The following TBC1D23 variants were observed in gnomAD, a reference collection of about 807,000 sequenced individuals.
TBC1D23 encodes HCV non-structural protein 4A-transactivated protein 1.
Under a neutral mutation model 91.4 loss-of-function variants are expected in TBC1D23, and 55 were observed. The ratio of observed to expected loss-of-function variants is 0.60; its 90% CI spans 0.48 to 0.75. The LOEUF is 0.75. TBC1D23 is among the 30% of genes least tolerant of loss of function. The pLI is 0.00. For missense variants in TBC1D23, 725 were observed against 836.1 expected, an observed-to-expected ratio of 0.87 and a Z score of 1.64; for synonymous variants, 289 against 281.0, an observed-to-expected ratio of 1.03 and a Z score of -0.28.
At chr3:100,274,974 A>G (rs1327882151) in intron 1 of TBC1D23, among the ~76,000 whole-genome samples, 1 of 146,910 alleles carries the variant, frequency 6.8e-6, no homozygotes, top group East Asian at 2.2e-4. Flanking sequence ...TACTGTGGAT[A>G]ATGCTGCTGT....
rs1321720154 is a variant in TBC1D23 at position 100,279,658 on chromosome 3, T to C, written c.63T>C (p.Asp21=). ...PTSSGDGWEK[D]LEEALEAGGC... ...AGGACTTATTTTTTAGGGAAAAAGA[T>C]CTTGAAGAAGCTCTGGAAGCAGGAG... The change falls in exon 2 of 19, where the codon GAT becomes GAC. Residue 21 remains aspartate, a synonymous_variant. Coordinates refer to ENST00000394144, the MANE Select transcript of TBC1D23 (RefSeq NM_001199198.3). 6.3e-7 allele frequency: 1 copy of C among 1,594,512 alleles called. No homozygotes were observed. Among genetic ancestry groups the C allele is most frequent in the South Asian group, 1.1e-5 (1 of 87,934 alleles).
chr3:100,283,925 G>A (rs1347334633), intron 4 of TBC1D23, 114 bp downstream of exon 4: 15 of 608,394 alleles, frequency 2.5e-5, no homozygotes, highest in Non-Finnish European at 4.0e-5. Context: ...AAATAATTTT[G>A]AGGATTGTTT....
At chr3:100,308,427 A>G (rs965002927) in intron 13 of TBC1D23, among the ~76,000 whole-genome samples, 3 of 152,048 alleles carry the variant, frequency 2.0e-5, no homozygotes, top group Admixed American at 6.6e-5. Flanking sequence ...GTGAGCCCAC[A>G]TCCCGCCACT....
intron 14 of TBC1D23, among the ~76,000 whole-genome samples, chr3:100,310,787 G>T (rs2148868960): frequency 6.6e-6 from 1 of 152,320 alleles, no homozygotes; most frequent in Admixed American, 6.5e-5. Flanking sequence ...TTCACTAAAA[G>T]AAATTTATGT....
In TBC1D23 at chr3:100,306,538, G is replaced by A. The variant is rs1423183461; in HGVS notation, c.1408G>A (p.Val470Ile). Residue 470 changes from valine (V) to isoleucine (I), a missense_variant, in exon 13 of 19, where the codon GTT becomes ATT. Physicochemically the swap from Val to Ile is conservative, Grantham distance 29. Transcript: ENST00000394144. ...AGGCTCAAGGAGCAGTATCAATTCT[G>A]TTGATGTAAGTATATGTAGAGAATA... ...TSGSRSSINSVDGESPNGSSD... is the reference protein window; with the variant it reads ...TSGSRSSINSIDGESPNGSSD... 1.3e-6 allele frequency: 2 copies of A among 1,570,038 alleles called. No individual in the cohort carries two copies. Among genetic ancestry groups the A allele is most frequent in the Admixed American group, 1.7e-5 (1 of 59,774 alleles).
intron 5 of TBC1D23, among the ~76,000 whole-genome samples, chr3:100,291,615 G>A (rs2067791023): frequency 6.6e-6 from 1 of 150,766 alleles, no homozygotes; most frequent in African/African-American, 2.4e-5. Flanking sequence ...AATTTTAAAT[G>A]TTTATTAATT....
At chr3:100,277,589 G>A (rs554758220) in intron 1 of TBC1D23, among the ~76,000 whole-genome samples, 1 of 152,212 alleles carries the variant, frequency 6.6e-6, no homozygotes, top group East Asian at 1.9e-4. Context: ...AGGGGATTTG[G>A]CAAAATTACT....
intron 15 of TBC1D23, 152 bp from the exon 16 acceptor site, chr3:100,315,947 T>A (rs959828867): frequency 2.7e-5 from 17 of 619,066 alleles, no homozygotes; most frequent in Admixed American, 2.2e-4. Context: ...TTCCTTAACA[T>A]AGCTCTCCTA....
chr3:100,304,859 A>G lies in TBC1D23; in HGVS notation c.1277A>G (p.Tyr426Cys). 1 of 1,498,446 alleles carries G rather than the reference A, an allele frequency of 6.7e-7. No individual in the cohort carries two copies. The highest frequency in any genetic ancestry group is 9.3e-7 in the Non-Finnish European group (1 of 1,077,402). 92.8% of individuals were successfully genotyped at this position (1,498,446 alleles called of 1,614,324 possible). A position where few individuals can be genotyped will look rare whatever the true frequency, so the allele number is the denominator to read the frequency against. ...TTTCCATTACAGAAAAACAAAGAAT[A>G]TGTGAGTATTGCCAGTGGAGGATTT... ...LAHFLQKNKE[Y>C]VSIASGGFMA... The change falls in exon 12 of 19, where the codon TAT (tyrosine) becomes TGT (cysteine). Residue 426 changes from tyrosine to cysteine, a missense_variant. By Grantham distance (194) the Tyr-to-Cys change is radical. Transcript: ENST00000394144.
chr3:100,306,074 C>T (rs898804233), intron 12 of TBC1D23, among the ~76,000 whole-genome samples: 7 of 152,124 alleles, frequency 4.6e-5, no homozygotes, highest in Non-Finnish European at 1.0e-4. Context: ...TATGGTATAA[C>T]AAAAGTCACA....
intron 18 of TBC1D23, among the ~76,000 whole-genome samples, chr3:100,323,087 C>A (rs1705891853): frequency 6.6e-6 from 1 of 152,110 alleles, no homozygotes; most frequent in African/African-American, 2.4e-5. Flanking sequence ...ATGTACATAA[C>A]CCTCTGTAAA....
chr3:100,270,964 A>G (rs2067594746), intron 1 of TBC1D23, among the ~76,000 whole-genome samples: 2 of 152,198 alleles, frequency 1.3e-5, no homozygotes, highest in South Asian at 4.1e-4. Flanking sequence ...GGTCCTTTAA[A>G]AACTGCTAGT....
intron 4 of TBC1D23, among the ~76,000 whole-genome samples, chr3:100,284,993 T>C (rs1260065360): frequency 1.3e-5 from 2 of 152,204 alleles, no homozygotes; most frequent in African/African-American, 4.8e-5. Context: ...GATAGTTAAC[T>C]GACTCTTATT....
rs114807557 is a variant in TBC1D23 at position 100,315,726 on chromosome 3, G to C, written c.1599-373G>C. On this transcript the variant is annotated intron_variant, in intron 15 of 18. Coordinates refer to ENST00000394144, the MANE Select transcript of TBC1D23 (RefSeq NM_001199198.3). ...CTGATTTAGTTCTTACTATAACCCTGACAGGTAGATATTGTTAGCACTATT... is the reference window on the plus strand; with the variant it reads ...CTGATTTAGTTCTTACTATAACCCTCACAGGTAGATATTGTTAGCACTATT... The C allele has an allele frequency of 4.8e-3, 1,030 of 214,950 alleles. 3 individuals are homozygous for C. The highest frequency in any genetic ancestry group is 5.9e-3 in the South Asian group (68 of 11,506). The allele number at this position is 214,950 out of a possible 1,614,324, so 13.3% of individuals were successfully genotyped here.
Position 100,316,185 on chromosome 3 carries a change from C to T in TBC1D23, c.1685C>T (p.Thr562Ile). 1 of 1,610,840 alleles carries T rather than the reference C, an allele frequency of 6.2e-7. No homozygotes were observed. The highest frequency in any genetic ancestry group is 8.5e-7 in the Non-Finnish European group (1 of 1,177,010). ...ATTGGGGATGAAGAAGAATACGACA[C>T]AGGTGTAGTAATACACTTAGCTACA... ...FSIGDEEEYD[T>I]DEIDSSSMSD... Residue 562 changes from threonine (T) to isoleucine (I), a missense_variant and splice_region_variant, in exon 16 of 19, where the codon ACA becomes ATA. Thr to Ile is a moderately conservative substitution (Grantham distance 89, BLOSUM62 -1). Transcript: ENST00000394144.
At chr3:100,312,670 A>G (rs1705645900) in intron 15 of TBC1D23, among the ~76,000 whole-genome samples, 1 of 152,190 alleles carries the variant, frequency 6.6e-6, no homozygotes, top group Non-Finnish European at 1.5e-5. Flanking sequence ...AATATCAATT[A>G]CAGCAACACC....
In TBC1D23 at chr3:100,261,553, T is replaced by G. The variant is rs115139075; in HGVS notation, c.53+482T>G. The G allele has an allele frequency of 3.6e-3, 555 of 154,346 alleles. 2 individuals carry two copies. The highest frequency in any genetic ancestry group is 0.013 in the African/African-American group (528 of 41,664). 9.6% of individuals were successfully genotyped at this position (154,346 alleles called of 1,614,324 possible). ...ATCCCTCCCACTTAGTTGGTATACT[T>G]TTTTTTATTCTGGCTGTTATCTCGT... On this transcript the variant is annotated intron_variant, in intron 1 of 18. Coordinates refer to ENST00000394144, the MANE Select transcript of TBC1D23 (RefSeq NM_001199198.3).
At chr3:100,293,476 G>A (rs958547463) in intron 5 of TBC1D23, among the ~76,000 whole-genome samples, 1 of 152,074 alleles carries the variant, frequency 6.6e-6, no homozygotes, top group East Asian at 1.9e-4. Flanking sequence ...TGATGAAATA[G>A]AGTTTTTTAA....
At chr3:100,287,786 T>A (rs1291396609) in intron 4 of TBC1D23, among the ~76,000 whole-genome samples, 1 of 151,516 alleles carries the variant, frequency 6.6e-6, no homozygotes, top group Non-Finnish European at 1.5e-5. Flanking sequence ...TTGTAAAACA[T>A]TTTTTTTTCT....
Sources: allele counts gnomAD v4.1 joint callset (sites outside exome capture counted in the v4.1 genomes callset), GRCh38; gene constraint gnomAD v4.1.1; transcripts MANE v1.5; gene names NCBI Gene and HGNC (gene_info 2026-07-23, HGNC 2026-07-21).